The following XPOT variants were observed in gnomAD, a reference collection of about 807,000 sequenced individuals.
XPOT encodes exportin for tRNA.
Under a neutral mutation model 128.2 loss-of-function variants are expected in XPOT, and 34 were observed. The observed-to-expected ratio is 0.27, with a 90% CI of 0.20 to 0.35. The LOEUF (loss-of-function observed/expected upper bound fraction) is 0.35, where lower values mean the gene tolerates loss of function less well. Ranked by LOEUF, XPOT falls within the 10% of genes least tolerant of loss-of-function variation. The pLI, the probability that XPOT is intolerant of heterozygous loss-of-function variation, is 1.00. For synonymous variants in XPOT, 348 were observed against 394.3 expected, an observed-to-expected ratio of 0.88 and a Z score of 1.39; for missense variants, 838 against 1,125.3, an observed-to-expected ratio of 0.74 and a Z score of 3.65.
chr12:64,412,468 A>G (rs2040047391), intron 2 of XPOT, among the ~76,000 whole-genome samples: 1 of 152,304 alleles, frequency 6.6e-6, no homozygotes, highest in South Asian at 2.1e-4. Flanking sequence ...AATGCAACAT[A>G]CATGATTAAC....
rs2040267151 is a variant in XPOT, at chr12:64,434,553, A to G, written c.2499A>G (p.Ala833=). ...ERVLVTVIQG[A]VEYPDPIAQK... is the part of the protein sequence containing the mutation. Reference sequence around the variant, plus strand: ...TGTTGGTTACTGTTATCCAAGGAGCAGTTGAATATCCAGATCCAATTGCAC... The same window carrying G: ...TGTTGGTTACTGTTATCCAAGGAGCGGTTGAATATCCAGATCCAATTGCAC... Residue 833 remains alanine (A), a synonymous_variant, in exon 20 of 25, where the codon GCA becomes GCG. Transcript: ENST00000332707. 6.2e-7 allele frequency: 1 copy of G among 1,613,858 alleles called. No individual in the cohort carries two copies. The highest frequency in any genetic ancestry group is 1.1e-5 in the South Asian group (1 of 91,082).
chr12:64,423,924 CT>C (rs2040167126), intron 11 of XPOT, among the ~76,000 whole-genome samples: 1 of 152,042 alleles, frequency 6.6e-6, no homozygotes, highest in Non-Finnish European at 1.5e-5. Context: ...AGTTAAAGGT[CT>C]TTTTCAAGAT....
Position 64,418,092 on chromosome 12 carries a change from C to A in XPOT, c.247C>A (p.Leu83Ile). The change falls in exon 5 of 25, where the codon CTC becomes ATC. Residue 83 changes from leucine (L) to isoleucine (I), a missense_variant. Physicochemically the swap from Leu to Ile is conservative, Grantham distance 5. Transcript: ENST00000332707. Reference protein sequence around the residue: ...TVQQQLIRETLISWLQAQMLN... With the variant: ...TVQQQLIRETIISWLQAQMLN... Reference sequence around the variant, plus strand: ...TCAACAACAGCTAATTAGGGAGACGCTCATATCATGGCTGCAAGCTCAGGT... The same window carrying A: ...TCAACAACAGCTAATTAGGGAGACGATCATATCATGGCTGCAAGCTCAGGT... 6.2e-7 allele frequency: 1 copy of A among 1,613,502 alleles called. No homozygotes were observed. Among genetic ancestry groups the A allele is most frequent in the Non-Finnish European group, 8.5e-7 (1 of 1,179,744 alleles).
At chr12:64,433,638 A>C in intron 19 of XPOT, 35 bp downstream of exon 19, 3 of 1,548,648 alleles carry the variant, frequency 1.9e-6, no homozygotes, top group Non-Finnish European at 2.6e-6. Context: ...TTGTCTGCTT[A>C]AGTCTGTGTC....
intron 20 of XPOT, 69 bp from the exon 21 acceptor site, chr12:64,434,725 G>GT: frequency 1.3e-6 from 2 of 1,556,588 alleles, no homozygotes; most frequent in Non-Finnish European, 1.8e-6. Flanking sequence ...CTGGGAGTTG[G>GT]TTTTCCCTGG....
intron 6 of XPOT, 101 bp downstream of exon 6, chr12:64,419,195 A>T (rs1191779450): frequency 1.1e-6 from 1 of 905,676 alleles, no homozygotes; most frequent in Non-Finnish European, 1.6e-6. Flanking sequence ...CTTGAGGTAA[A>T]CTTTCTTAAG....
At position 64,424,691 on chromosome 12, in the gene XPOT, C is replaced by T. The variant is rs750712145; in HGVS notation, c.1275C>T (p.Ala425=). ...AAGTTTCACCAGAGTTACTACTGGC[C>T]TCTGTTCGCAGAGTTTTTAGTTCTA... The part of the protein sequence containing the change: ...LAQVSPELLL[A]SVRRVFSSTL... Residue 425 remains alanine (A), a synonymous_variant, in exon 12 of 25, where the codon GCC becomes GCT. Coordinates refer to ENST00000332707, the MANE Select transcript of XPOT (RefSeq NM_007235.6). 34 of 1,613,268 alleles carry T rather than the reference C, an allele frequency of 2.1e-5. No individual in the cohort carries two copies. The highest frequency in any genetic ancestry group is 2.7e-5 in the Non-Finnish European group (32 of 1,179,978).
chr12:64,433,320 AAATAG>A, intron 18 of XPOT, 89 bp from the exon 19 acceptor site: 1 of 1,238,910 alleles, frequency 8.1e-7, no homozygotes, highest in South Asian at 1.6e-5. Flanking sequence ...CATGCATCCT[AAATAG>A]AAAAGAAAGG....
intron 23 of XPOT, among the ~76,000 whole-genome samples, chr12:64,440,620 A>T (rs770678754): frequency 3.4e-4 from 52 of 152,156 alleles, no homozygotes; most frequent in Non-Finnish European, 7.4e-4. Flanking sequence ...TGTCACCAAC[A>T]CTTGCTGTCT....
intron 14 of XPOT, 57 bp from the exon 15 acceptor site, chr12:64,425,758 A>G (rs2136024471): frequency 2.0e-6 from 3 of 1,533,078 alleles, no homozygotes; most frequent in African/African-American, 1.4e-5. Flanking sequence ...GTAGCAGGAC[A>G]ATATCAACAA....
chr12:64,423,609 A>G (rs1346821832), intron 11 of XPOT, among the ~76,000 whole-genome samples: 1 of 152,104 alleles, frequency 6.6e-6, no homozygotes, highest in Non-Finnish European at 1.5e-5. Context: ...ATGTGCCACC[A>G]TGCCCGGCTA....
rs575542792 is a variant in XPOT, at chr12:64,450,634, C to T, written c.*2503C>T. The T allele has an allele frequency of 2.6e-5, 4 of 152,258 alleles. No homozygotes were observed. The highest frequency in any genetic ancestry group is 9.6e-5 in the African/African-American group (4 of 41,548). The allele number at this position is 152,258 out of a possible 1,614,324, so 9.4% of individuals were successfully genotyped here. A position where few individuals can be genotyped will look rare whatever the true frequency, so the allele number is the denominator to read the frequency against. On this transcript the variant is annotated 3_prime_UTR_variant, in exon 25 of 25. Transcript: ENST00000332707. ...CTTCTATCTTCATTCTCTGAAGTTGCCTAGAGCACCATCACAGCTAGGAAG... is the reference window on the plus strand; with the variant it reads ...CTTCTATCTTCATTCTCTGAAGTTGTCTAGAGCACCATCACAGCTAGGAAG...
intron 16 of XPOT, 93 bp downstream of exon 16, chr12:64,428,213 AT>A: frequency 1.1e-5 from 9 of 813,264 alleles, no homozygotes; most frequent in South Asian, 1.6e-5. Flanking sequence ...AAAAAAAAAA[AT>A]TGGTGGTGGA....
intron 1 of XPOT, chr12:64,405,308 C>T (rs2039969312): frequency 6.6e-6 from 1 of 152,332 alleles, no homozygotes; most frequent in South Asian, 2.1e-4. Flanking sequence ...ACTAGAGAAG[C>T]ATGAGGTTTC....
intron 23 of XPOT, 51 bp from the exon 24 acceptor site, chr12:64,445,023 AT>A: frequency 7.0e-7 from 1 of 1,438,726 alleles, no homozygotes; most frequent in Non-Finnish European, 9.5e-7. Flanking sequence ...ATTACAATGG[AT>A]TTAATACAAA....
intron 11 of XPOT, among the ~76,000 whole-genome samples, chr12:64,424,286 C>G (rs2040169962): frequency 1.3e-5 from 2 of 152,074 alleles, no homozygotes; most frequent in African/African-American, 4.8e-5. Context: ...CTTTTGAGGT[C>G]TACGGCTTTG....
At chr12:64,409,036 C>T (rs2040010625) in intron 1 of XPOT, among the ~76,000 whole-genome samples, 1 of 151,464 alleles carries the variant, frequency 6.6e-6, no homozygotes, top group Non-Finnish European at 1.5e-5. Flanking sequence ...TTAGAATTGG[C>T]TGGCAAGAGC....
chr12:64,440,484 G>A (rs534892859), intron 23 of XPOT, among the ~76,000 whole-genome samples: 1 of 152,302 alleles, frequency 6.6e-6, no homozygotes, highest in South Asian at 2.1e-4. Flanking sequence ...CCAGAAGTGG[G>A]ATTGCTGGAT....
chr12:64,420,002 A>G (rs983124643), intron 6 of XPOT, 68 bp from the exon 7 acceptor site: 1 of 1,414,346 alleles, frequency 7.1e-7, no homozygotes, highest in Admixed American at 2.6e-5. Flanking sequence ...ACTCTCTGCA[A>G]GTATATTCAG....
Sources: allele counts gnomAD v4.1 joint callset (sites outside exome capture counted in the v4.1 genomes callset), GRCh38; gene constraint gnomAD v4.1.1; transcripts MANE v1.5; gene names NCBI Gene and HGNC (gene_info 2026-07-23, HGNC 2026-07-21).